Variants in MAP3K19 observed in about 807,000 individuals in gnomAD.
MAP3K19 encodes mitogen-activated protein kinase kinase kinase 19, also known as SPS1/STE20-related protein kinase YSK4.
Under a neutral mutation model 114.4 loss-of-function variants are expected in MAP3K19, and 91 were observed. The ratio of observed to expected loss-of-function variants is 0.80; its 90% CI spans 0.67 to 0.95. The LOEUF is 0.95. Among genes scored for constraint, MAP3K19 ranks in the 40% least tolerant of loss-of-function variants. The probability of loss-of-function intolerance (pLI) is 0.00; values close to 1 mark genes in which losing one functional copy is unlikely to be tolerated. For missense variants in MAP3K19, 1,471 were observed against 1,573.2 expected, an observed-to-expected ratio of 0.94 and a Z score of 1.10; for synonymous variants, 518 against 530.5, an observed-to-expected ratio of 0.98 and a Z score of 0.32.
intron 5 of MAP3K19, among the ~76,000 whole-genome samples, chr2:135,018,121 G>A (rs372646212): frequency 1.5e-4 from 22 of 151,696 alleles, no homozygotes; most frequent in East Asian, 1.4e-3. Context: ...GAGAAACCCC[G>A]TCTCTACTAA....
chr2:134,971,358 G>A (rs2105151217), intron 12 of MAP3K19, among the ~76,000 whole-genome samples: 1 of 152,268 alleles, frequency 6.6e-6, no homozygotes, highest in South Asian at 2.1e-4. Flanking sequence ...TGTTCATCAA[G>A]GATACTGGCC....
intron 12 of MAP3K19, among the ~76,000 whole-genome samples, chr2:134,975,444 C>T (rs768727845): frequency 3.3e-5 from 5 of 152,106 alleles, no homozygotes; most frequent in South Asian, 2.1e-4. Flanking sequence ...GCTCAGACAC[C>T]GGCAGGGCTG....
chr2:135,015,891 CA>C lies in MAP3K19; in HGVS notation c.138+5823del, dbSNP rs565542667. 9.4e-3 allele frequency among the ~76,000 whole-genome samples: 1,283 copies of C among 137,068 alleles called. 2 individuals are homozygous for C. The highest frequency in any genetic ancestry group is 0.021 in the African/African-American group (797 of 37,560). 89.9% of individuals were successfully genotyped at this position (137,068 alleles called of 152,430 possible). On this transcript the variant is annotated intron_variant, in intron 5 of 12. Coordinates refer to ENST00000392915, the MANE Select transcript of MAP3K19 (RefSeq NM_025052.5). ...CTGGCAACAGAGCGAGCCTCCATCTCAAAAAAAAAAAAAATATTTGTTGCCA... is the reference window on the plus strand; with the variant it reads ...CTGGCAACAGAGCGAGCCTCCATCTCAAAAAAAAAAAAATATTTGTTGCCA...
At chr2:134,993,637 T>A (rs1685766998) in intron 8 of MAP3K19, among the ~76,000 whole-genome samples, 1 of 152,180 alleles carries the variant, frequency 6.6e-6, no homozygotes. Context: ...ATGGATAGCA[T>A]CCTGAATTTT....
intron 9 of MAP3K19, among the ~76,000 whole-genome samples, chr2:134,989,481 A>C (rs1256122701): frequency 6.6e-6 from 1 of 152,214 alleles, no homozygotes; most frequent in Non-Finnish European, 1.5e-5. Flanking sequence ...TACTGTCTAG[A>C]TGATTTTCCT....
chr2:134,973,075 C>T (rs892690937), intron 12 of MAP3K19, among the ~76,000 whole-genome samples: 3 of 152,070 alleles, frequency 2.0e-5, no homozygotes, highest in African/African-American at 7.2e-5. Flanking sequence ...GGAAAATGTT[C>T]CATGTTTTAA....
At chr2:135,043,940 G>A (rs368169466) in intron 1 of MAP3K19, among the ~76,000 whole-genome samples, 1 of 152,146 alleles carries the variant, frequency 6.6e-6, no homozygotes, top group South Asian at 2.1e-4. Context: ...ATTACTACCT[G>A]TTACTCCTTT....
At chr2:135,045,708 T>A (rs1483412704) in intron 1 of MAP3K19, among the ~76,000 whole-genome samples, 3 of 152,184 alleles carry the variant, frequency 2.0e-5, no homozygotes, top group African/African-American at 7.2e-5. Context: ...ATCTATCATC[T>A]AAAATAAAAC....
intron 3 of MAP3K19, 87 bp from the exon 4 acceptor site, chr2:135,024,828 A>G: frequency 1.8e-6 from 1 of 561,624 alleles, no homozygotes; most frequent in South Asian, 2.5e-5. Flanking sequence ...CATTTACATC[A>G]AATAAATAAA....
At chr2:134,997,234 A>G (rs1686063089) in intron 8 of MAP3K19, among the ~76,000 whole-genome samples, 1 of 152,204 alleles carries the variant, frequency 6.6e-6, no homozygotes, top group African/African-American at 2.4e-5. Flanking sequence ...AACAAGCCAG[A>G]CACAGGACAA....
At position 135,002,998 on chromosome 2, in the gene MAP3K19, G is replaced by A. The variant is rs77074590; in HGVS notation, c.235+2437C>T. On this transcript the variant is annotated intron_variant, in intron 6 of 12. Transcript: ENST00000392915. ...GAGATGGGGCCTCTAAGGAAGAAAC[G>A]AAGGTTACATGAGGTGTCAAGGGTG... Among the ~76,000 whole-genome samples, 510 of 152,254 alleles carry A rather than the reference G, an allele frequency of 3.3e-3. 5 individuals are homozygous for A. The highest frequency in any genetic ancestry group is 0.012 in the African/African-American group (484 of 41,552).
chr2:135,016,602 T>C (rs912920376), intron 5 of MAP3K19, among the ~76,000 whole-genome samples: 11 of 152,186 alleles, frequency 7.2e-5, no homozygotes. Flanking sequence ...TTGGCAGAAT[T>C]GACATCTTTA....
At chr2:134,990,258 G>C (rs947707717) in intron 9 of MAP3K19, among the ~76,000 whole-genome samples, 4 of 152,022 alleles carry the variant, frequency 2.6e-5, no homozygotes, top group Non-Finnish European at 4.4e-5. Context: ...GAACAACAGG[G>C]CTTCAAACTA....
intron 5 of MAP3K19, among the ~76,000 whole-genome samples, chr2:135,018,860 A>G (rs61663334): frequency 0.25 from 37,886 of 151,970 alleles, 6,116 homozygotes; most frequent in African/African-American, 0.43. Flanking sequence ...CAAGGCAGGC[A>G]GATCACCTGA....
At chr2:135,010,210 A>G (rs139774790) in intron 5 of MAP3K19, among the ~76,000 whole-genome samples, 255 of 152,350 alleles carry the variant, frequency 1.7e-3, no homozygotes, top group African/African-American at 5.8e-3. Context: ...TGTGATCCCT[A>G]TAAGTACCTG....
chr2:134,978,976 G>T (rs536396418), intron 12 of MAP3K19, among the ~76,000 whole-genome samples: 1 of 152,108 alleles, frequency 6.6e-6, no homozygotes, highest in Admixed American at 6.6e-5. Context: ...GTCAATAGGA[G>T]TACCCCCTCC....
chr2:135,023,464 C>T (rs774284540), intron 4 of MAP3K19: 2 of 533,432 alleles, frequency 3.7e-6, no homozygotes, highest in East Asian at 1.1e-4. Context: ...AACCTTTCAA[C>T]CGGTCCTTTC....
chr2:135,045,387 C>T (rs576064866), intron 1 of MAP3K19, among the ~76,000 whole-genome samples: 5 of 152,252 alleles, frequency 3.3e-5, no homozygotes, highest in African/African-American at 4.8e-5. Flanking sequence ...ACACATCTGT[C>T]CCAGTAAATT....
At chr2:134,997,973 G>A (rs1245612013) in intron 8 of MAP3K19, among the ~76,000 whole-genome samples, 3 of 152,092 alleles carry the variant, frequency 2.0e-5, no homozygotes, top group African/African-American at 4.8e-5. Context: ...ATAAATCAAT[G>A]AATGTAACTT....
Sources: allele counts gnomAD v4.1 joint callset (sites outside exome capture counted in the v4.1 genomes callset), GRCh38; gene constraint gnomAD v4.1.1; transcripts MANE v1.5; gene names NCBI Gene and HGNC (gene_info 2026-07-23, HGNC 2026-07-21).